Variants in MTBP observed in about 807,000 individuals in gnomAD.
MTBP encodes the protein MDM2 binding protein.
A neutral mutation model predicts 117.0 loss-of-function variants in MTBP; 101 were observed. The ratio of observed to expected loss-of-function variants is 0.86; its 90% confidence interval spans 0.73 to 1.02. MTBP has a LOEUF of 1.02. MTBP is among the 50% of genes least tolerant of loss of function. The pLI, the probability that MTBP is intolerant of heterozygous loss-of-function variation, is 0.00. For missense variants in MTBP, 970 were observed against 1,030.9 expected (o/e 0.94, Z 0.81); for synonymous variants, 350 against 351.5 (o/e 1.00, Z 0.05).
At position 120,453,066 on chromosome 8, in the gene MTBP, C is replaced by T. The variant is rs185450633; in HGVS notation, c.426-781C>T. The stretch of plus-strand genomic sequence containing the variant: ...TAAGTTTTGAAGAATCTGAAGAGGG[C>T]GTCATATTCTTTAGTCAAGACTGTT... On this transcript the variant is annotated intron_variant, in intron 4 of 21. Coordinates refer to ENST00000305949, the MANE Select transcript of MTBP (RefSeq NM_022045.5). Among the ~76,000 whole-genome samples the T allele has an allele frequency of 2.5e-3, 379 of 152,078 alleles. 2 individuals are homozygous for T. The highest frequency in any genetic ancestry group is 8.7e-3 in the African/African-American group (360 of 41,460).
Position 120,517,869 on chromosome 8 carries a change from T to A in MTBP, c.2265T>A (p.Ser755Arg), listed in dbSNP as rs1814947203. The change falls in exon 19 of 22, where the codon AGT becomes AGA. Residue 755 changes from serine to arginine, a missense_variant. Ser to Arg is a moderately radical substitution (Grantham distance 110). Transcript: ENST00000305949. ...YPRKRLVKSE[S>R]SESLLSQTTG... ...TATATAGACTTGTGAAATCTGAAAG[T>A]TCAGAGTCTCTTCTTTCTCAGACAA... 6.2e-7 allele frequency: 1 copy of A among 1,611,170 alleles called. No individual in the cohort carries two copies. Among genetic ancestry groups the A allele is most frequent in the Non-Finnish European group, 8.5e-7 (1 of 1,178,038 alleles).
At chr8:120,446,299 G>A (rs750349472) in intron 1 of MTBP, 134 bp from the exon 2 acceptor site, 19 of 624,708 alleles carry the variant, frequency 3.0e-5, no homozygotes, top group Non-Finnish European at 5.5e-5. Flanking sequence ...ATCAAAACTT[G>A]AACAGATCTT....
intron 6 of MTBP, among the ~76,000 whole-genome samples, chr8:120,456,147 C>G (rs552371785): frequency 6.6e-6 from 1 of 152,180 alleles, no homozygotes; most frequent in South Asian, 2.1e-4. Context: ...AACAGGAATG[C>G]TAACAGTCAA....
At chr8:120,489,542 C>T (rs1295290188) in intron 12 of MTBP, among the ~76,000 whole-genome samples, 1 of 152,200 alleles carries the variant, frequency 6.6e-6, no homozygotes, top group Non-Finnish European at 1.5e-5. Flanking sequence ...ATGCCAGCCA[C>T]CAGTAACGGG....
At chr8:120,481,950 T>C (rs1412021830) in intron 11 of MTBP, among the ~76,000 whole-genome samples, 1 of 152,200 alleles carries the variant, frequency 6.6e-6, no homozygotes, top group African/African-American at 2.4e-5. Flanking sequence ...AGAATCACTT[T>C]TTTTCTAAGA....
intron 11 of MTBP, 88 bp downstream of exon 11, chr8:120,471,025 A>C: frequency 1.1e-6 from 1 of 896,408 alleles, no homozygotes; most frequent in Non-Finnish European, 1.7e-6. Context: ...TTTCTATATG[A>C]GAAAACAGGA....
intron 11 of MTBP, among the ~76,000 whole-genome samples, chr8:120,480,254 AC>A (rs1814047802): frequency 6.6e-6 from 1 of 151,718 alleles, no homozygotes; most frequent in African/African-American, 2.4e-5. Flanking sequence ...AAAAACAAAA[AC>A]AAAAATTAGC....
At chr8:120,478,258 T>TG (rs1423851297) in intron 11 of MTBP, among the ~76,000 whole-genome samples, 1 of 151,732 alleles carries the variant, frequency 6.6e-6, no homozygotes, top group Non-Finnish European at 1.5e-5. Context: ...TGTCAGGGTA[T>TG]GGGGGGCTAG....
At chr8:120,463,351 C>T (rs909226001) in intron 9 of MTBP, among the ~76,000 whole-genome samples, 1 of 151,944 alleles carries the variant, frequency 6.6e-6, no homozygotes, top group Non-Finnish European at 1.5e-5. Flanking sequence ...AAGAACAGAA[C>T]ATTTTATATA....
chr8:120,467,887 A>C (rs1004316230), intron 10 of MTBP, among the ~76,000 whole-genome samples: 18 of 152,332 alleles, frequency 1.2e-4, no homozygotes, highest in Middle Eastern at 6.8e-3. Context: ...AAGTGTGGCC[A>C]TTTCAGCTAA....
At chr8:120,462,225 A>G (rs975312336) in intron 9 of MTBP, among the ~76,000 whole-genome samples, 4 of 152,220 alleles carry the variant, frequency 2.6e-5, no homozygotes, top group South Asian at 2.1e-4. Flanking sequence ...TAAATTTTAG[A>G]TCATGCTGGT....
At chr8:120,476,683 T>C (rs1413184683) in intron 11 of MTBP, among the ~76,000 whole-genome samples, 3 of 151,186 alleles carry the variant, frequency 2.0e-5, no homozygotes, top group Non-Finnish European at 4.5e-5. Flanking sequence ...TACCTAGGAA[T>C]ACAACTTACA....
intron 9 of MTBP, among the ~76,000 whole-genome samples, chr8:120,463,030 TG>T (rs896873064): frequency 2.6e-5 from 4 of 151,758 alleles, no homozygotes; most frequent in African/African-American, 9.7e-5. Context: ...TTCTACAACT[TG>T]AAAAAAAAAA....
intron 10 of MTBP, among the ~76,000 whole-genome samples, chr8:120,468,342 C>G (rs1308704320): frequency 6.6e-5 from 10 of 152,154 alleles, no homozygotes; most frequent in Admixed American, 6.5e-4. Context: ...TAACTAGGCT[C>G]AAACACATCT....
intron 14 of MTBP, among the ~76,000 whole-genome samples, chr8:120,499,177 G>A (rs1814530128): frequency 6.6e-6 from 1 of 152,084 alleles, no homozygotes. Flanking sequence ...GTACATTTCT[G>A]TTTCCTTTTT....
chr8:120,457,965 C>CA (rs78657462), intron 7 of MTBP, among the ~76,000 whole-genome samples: 2 of 150,580 alleles, frequency 1.3e-5, no homozygotes, highest in Admixed American at 6.6e-5. Context: ...AAAAAAAACC[C>CA]AAAAAAACCC....
chr8:120,498,769 T>C (rs1403949584), intron 14 of MTBP, among the ~76,000 whole-genome samples: 1 of 151,964 alleles, frequency 6.6e-6, no homozygotes, highest in Non-Finnish European at 1.5e-5. Flanking sequence ...AGAGGGAAGA[T>C]AAGATTTGCC....
chr8:120,449,599 T>A (rs1167050599), intron 2 of MTBP, among the ~76,000 whole-genome samples: 1 of 151,980 alleles, frequency 6.6e-6, no homozygotes, highest in East Asian at 1.9e-4. Flanking sequence ...GGTGAAGGCA[T>A]GAGAAAGGAT....
At chr8:120,511,086 T>A (rs1048961240) in intron 17 of MTBP, among the ~76,000 whole-genome samples, 1 of 152,156 alleles carries the variant, frequency 6.6e-6, no homozygotes, top group Non-Finnish European at 1.5e-5. Flanking sequence ...CGGAGATAGC[T>A]ACTAAATTAT....
Sources: allele counts gnomAD v4.1 joint callset (sites outside exome capture counted in the v4.1 genomes callset), GRCh38; gene constraint gnomAD v4.1.1; transcripts MANE v1.5; gene names NCBI Gene and HGNC (gene_info 2026-07-23, HGNC 2026-07-21).